Variants in DIP2B observed in about 807,000 individuals in gnomAD.
The protein encoded by DIP2B is DIP2 acetate--CoA ligase B (putative).
In DIP2B, 76 loss-of-function variants were observed where a neutral mutation model predicts 198.0. That is an observed-to-expected ratio of 0.38 (90% confidence interval 0.32 to 0.46). The LOEUF (loss-of-function observed/expected upper bound fraction) is 0.46, where lower values mean the gene tolerates loss of function less well. Ranked by LOEUF, DIP2B falls within the 20% of genes least tolerant of loss-of-function variation. DIP2B has a pLI of 0.99. For missense variants in DIP2B, 1,559 were observed against 1,978.4 expected (o/e 0.79, Z 4.02); for synonymous variants, 701 against 739.1 (o/e 0.95, Z 0.84).
intron 28 of DIP2B, among the ~76,000 whole-genome samples, chr12:50,725,636 A>T (rs1428196323): frequency 6.6e-6 from 1 of 152,238 alleles, no homozygotes; most frequent in Non-Finnish European, 1.5e-5. Flanking sequence ...GCATGTAATC[A>T]TAATGATAAC....
At chr12:50,574,165 T>G (rs1374339129) in intron 1 of DIP2B, among the ~76,000 whole-genome samples, 2 of 152,176 alleles carry the variant, frequency 1.3e-5, no homozygotes, top group Non-Finnish European at 2.9e-5. Flanking sequence ...AGGAAACTAA[T>G]GTAACCTTTA....
chr12:50,632,076 C>T (rs1593671443), intron 2 of DIP2B, among the ~76,000 whole-genome samples: 1 of 151,890 alleles, frequency 6.6e-6, no homozygotes, highest in African/African-American at 2.4e-5. Context: ...GTGATCCTCC[C>T]GCCTCCGCCT....
chr12:50,640,979 C>T, intron 3 of DIP2B, 127 bp downstream of exon 3: 2 of 1,151,222 alleles, frequency 1.7e-6, no homozygotes, highest in South Asian at 3.3e-5. Context: ...TATATTAACT[C>T]ATTCACCAAT....
At chr12:50,604,801 A>G (rs1401803043) in intron 1 of DIP2B, among the ~76,000 whole-genome samples, 3 of 152,136 alleles carry the variant, frequency 2.0e-5, no homozygotes, top group Non-Finnish European at 4.4e-5. Context: ...TGAATTTTTT[A>G]TAACTTGCTT....
At chr12:50,522,471 A>G (rs890447709) in intron 1 of DIP2B, among the ~76,000 whole-genome samples, 16 of 152,136 alleles carry the variant, frequency 1.1e-4, no homozygotes, top group African/African-American at 3.4e-4. Flanking sequence ...ACATACATAC[A>G]CACACTCACT....
chr12:50,671,525 A>G lies in DIP2B; in HGVS notation c.640+127A>G, dbSNP rs2139524312. ...AAAAAAAAGAATTAGAGAAAACATGACAGTTAATGAGGAAAAGATGGAAAC... is the reference window on the plus strand; with the variant it reads ...AAAAAAAAGAATTAGAGAAAACATGGCAGTTAATGAGGAAAAGATGGAAAC... On this transcript the variant is annotated intron_variant, in intron 5 of 37. Transcript: ENST00000301180. The G allele has an allele frequency of 3.4e-6, 3 of 881,348 alleles. No homozygotes were observed. The South Asian group carries it at 5.3e-5, about 16-fold the overall frequency. The allele number at this position is 881,348 out of a possible 1,614,324, so 54.6% of individuals were successfully genotyped here.
chr12:50,671,412 C>T lies in DIP2B; in HGVS notation c.640+14C>T, dbSNP rs1261732641. The T allele has an allele frequency of 6.8e-6, 11 of 1,613,216 alleles. No homozygotes were observed. Among genetic ancestry groups the T allele is most frequent in the Non-Finnish European group, 8.5e-6 (10 of 1,179,338 alleles). The stretch of plus-strand genomic sequence containing the variant: ...ATACTCGAATAGGTAGGAGCTGGAT[C>T]TACCCAAGAAGCCCAAATTACATTC... On this transcript the variant is annotated intron_variant, in intron 5 of 37. Coordinates refer to ENST00000301180, the MANE Select transcript of DIP2B (RefSeq NM_173602.3).
chr12:50,543,454 A>G (rs1958345083), intron 1 of DIP2B, among the ~76,000 whole-genome samples: 1 of 151,656 alleles, frequency 6.6e-6, no homozygotes, highest in Admixed American at 6.6e-5. Context: ...CACGCCAGCT[A>G]ATTTTTGTAT....
At chr12:50,683,106 T>C in intron 9 of DIP2B, 32 bp from the exon 10 acceptor site, 1 of 1,530,656 alleles carries the variant, frequency 6.5e-7, no homozygotes, top group Non-Finnish European at 8.9e-7. Flanking sequence ...TTTTTATTCC[T>C]CTGTTAAACT....
At chr12:50,584,181 C>T (rs542351252) in intron 1 of DIP2B, among the ~76,000 whole-genome samples, 2 of 152,218 alleles carry the variant, frequency 1.3e-5, no homozygotes, top group East Asian at 1.9e-4. Flanking sequence ...AGCCAAGGCT[C>T]ATCCTCTAAC....
intron 1 of DIP2B, among the ~76,000 whole-genome samples, chr12:50,508,609 C>A (rs758693852): frequency 6.6e-6 from 1 of 152,046 alleles, no homozygotes; most frequent in Non-Finnish European, 1.5e-5. Context: ...TAATAAGTGT[C>A]GTTATCCTAA....
At chr12:50,540,547 C>CAT (rs1958314379) in intron 1 of DIP2B, among the ~76,000 whole-genome samples, 1 of 128,424 alleles carries the variant, frequency 7.8e-6, no homozygotes. Context: ...TAAAAAAATT[C>CAT]TTTTTTTTTT....
At chr12:50,712,725 A>G (rs1939641279) in intron 22 of DIP2B, among the ~76,000 whole-genome samples, 1 of 152,050 alleles carries the variant, frequency 6.6e-6, no homozygotes, top group East Asian at 1.9e-4. Flanking sequence ...TAGCCAACAT[A>G]GTGAAACCCC....
At chr12:50,722,650 A>T (rs774675321) in intron 26 of DIP2B, among the ~76,000 whole-genome samples, 1 of 152,204 alleles carries the variant, frequency 6.6e-6, no homozygotes, top group African/African-American at 2.4e-5. Context: ...CATGCCCAGG[A>T]GATGGCCTTG....
chr12:50,728,737 C>T (rs1468822289), intron 30 of DIP2B, 59 bp downstream of exon 30: 3 of 1,576,162 alleles, frequency 1.9e-6, no homozygotes, highest in African/African-American at 2.7e-5. Context: ...TGGCCATGGC[C>T]ATCTCATCCT....
At chr12:50,506,429 A>G (rs1957969095) in intron 1 of DIP2B, among the ~76,000 whole-genome samples, 2 of 152,232 alleles carry the variant, frequency 1.3e-5, no homozygotes, top group Non-Finnish European at 2.9e-5. Flanking sequence ...AATCCTTTAC[A>G]ATGAAAAACC....
At chr12:50,670,384 C>T (rs963125602) in intron 4 of DIP2B, among the ~76,000 whole-genome samples, 3 of 152,030 alleles carry the variant, frequency 2.0e-5, no homozygotes, top group Admixed American at 1.3e-4. Flanking sequence ...TTCCCTAGCA[C>T]CTAGCTCACT....
chr12:50,582,144 T>TG (rs1187977814), intron 1 of DIP2B, among the ~76,000 whole-genome samples: 1 of 112,874 alleles, frequency 8.9e-6, no homozygotes, highest in African/African-American at 3.3e-5. Flanking sequence ...TCTTTTTTTC[T>TG]GTTTTTTTTT....
At chr12:50,680,382 A>G (rs1053923946) in intron 8 of DIP2B, 1 of 246,158 alleles carries the variant, frequency 4.1e-6, no homozygotes, top group African/African-American at 2.2e-5. Context: ...ATTTCTAAGG[A>G]TATGCAGATT....
Sources: gnomAD v4.1 joint callset for allele counts (sites outside exome capture counted in the v4.1 genomes callset) on GRCh38, gnomAD v4.1.1 for gene constraint, MANE v1.5 for transcripts, NCBI Gene and HGNC (gene_info 2026-07-23, HGNC 2026-07-21) for gene names.